The following INTS7 variants were observed in gnomAD, a reference collection of about 807,000 sequenced individuals.
INTS7 encodes chromosome 1 open reading frame 73.
INTS7 carries 46 observed loss-of-function variants against 109.2 expected under a neutral mutation model. That is an observed-to-expected ratio of 0.42 (90% CI 0.33 to 0.54). The LOEUF is 0.54. INTS7 is among the 20% of genes least tolerant of loss of function. The pLI is 0.07. For missense variants in INTS7, 929 were observed against 1,132.4 expected, an observed-to-expected ratio of 0.82 and a Z score of 2.58; for synonymous variants, 412 against 402.9, an observed-to-expected ratio of 1.02 and a Z score of -0.27.
At chr1:212,006,092 T>C (rs1665898051) in intron 7 of INTS7, among the ~76,000 whole-genome samples, 1 of 152,116 alleles carries the variant, frequency 6.6e-6, no homozygotes, top group South Asian at 2.1e-4. Context: ...GGTTCTATTT[T>C]GAGAAAAAAA....
chr1:211,944,896 T>G lies in INTS7; in HGVS notation c.2489A>C (p.Lys830Thr), dbSNP rs752458254. The G allele has an allele frequency of 1.4e-5, 22 of 1,614,050 alleles. No homozygotes were observed. The highest frequency in any genetic ancestry group is 1.5e-5 in the Non-Finnish European group (18 of 1,180,006). Residue 830 changes from lysine to threonine, a missense_variant, in exon 19 of 20, where the codon AAG becomes ACG. Physicochemically the swap from Lys to Thr is moderately conservative, Grantham distance 78 (BLOSUM62 -1). This residue lies in a region of INTS7 where 787 missense variants were observed against 901.1 expected (regional missense o/e 0.87). Coordinates refer to ENST00000366994, the MANE Select transcript of INTS7 (RefSeq NM_015434.4). ...AVQNNQQLALKVEGVVQHGSK... is the reference protein window; with the variant it reads ...AVQNNQQLALTVEGVVQHGSK... ...TCCGTGCTGAACCACTCCCTCTACC[T>G]TTAGCGCCAGCTGCTGGTTATTCTG...
At chr1:212,032,857 G>C (rs1020105783) in intron 1 of INTS7, among the ~76,000 whole-genome samples, 1 of 152,034 alleles carries the variant, frequency 6.6e-6, no homozygotes, top group Non-Finnish European at 1.5e-5. Context: ...TCTACCTCAG[G>C]GCCTTTGTAC....
intron 1 of INTS7, among the ~76,000 whole-genome samples, chr1:212,027,903 T>A (rs1666998369): frequency 6.6e-6 from 1 of 152,106 alleles, no homozygotes; most frequent in South Asian, 2.1e-4. Context: ...CTCAGCTCAC[T>A]GCAACCTCCG....
chr1:211,997,336 G>A (rs564082652), intron 7 of INTS7, among the ~76,000 whole-genome samples: 26 of 151,666 alleles, frequency 1.7e-4, no homozygotes, highest in Admixed American at 6.6e-4. Context: ...TTTGAGACCC[G>A]GAGCTTGAGA....
At chr1:212,013,834 G>A (rs1178681804) in intron 4 of INTS7, among the ~76,000 whole-genome samples, 1 of 152,154 alleles carries the variant, frequency 6.6e-6, no homozygotes, top group Admixed American at 6.5e-5. Context: ...TATAACCTAG[G>A]TGTATAGTAG....
At chr1:211,992,889 T>G (rs1043481526) in intron 7 of INTS7, among the ~76,000 whole-genome samples, 3 of 152,188 alleles carry the variant, frequency 2.0e-5, no homozygotes, top group African/African-American at 7.2e-5. Context: ...TCTTTTCAAA[T>G]GGAGTCCTCT....
intron 7 of INTS7, among the ~76,000 whole-genome samples, chr1:211,989,510 G>A (rs547640705): frequency 5.3e-5 from 8 of 151,880 alleles, no homozygotes; most frequent in Non-Finnish European, 1.0e-4. Context: ...ATCAATTAAG[G>A]ACCAAGAACC....
At position 212,026,703 on chromosome 1, in the gene INTS7, G is replaced by A. The variant is rs532794131; in HGVS notation, c.95-5491C>T. ...GTGCTTACGTATATGTGTTGGCAAA[G>A]GGGTTGAAAAAATCCACAGTAATTG... On this transcript the variant is annotated intron_variant, in intron 1 of 19. Coordinates refer to ENST00000366994, the MANE Select transcript of INTS7 (RefSeq NM_015434.4). Among the ~76,000 whole-genome samples the A allele has an allele frequency of 3.9e-5, 6 of 152,298 alleles. No individual in the cohort carries two copies. The East Asian group carries it at 1.2e-3, about 29-fold the overall frequency.
At chr1:211,999,260 T>C (rs190528914) in intron 7 of INTS7, among the ~76,000 whole-genome samples, 34 of 152,322 alleles carry the variant, frequency 2.2e-4, no homozygotes, top group African/African-American at 8.2e-4. Flanking sequence ...TGTACGCCCA[T>C]GTATCTGAAT....
chr1:211,940,999 A>G lies in INTS7; in HGVS notation c.*825T>C, dbSNP rs891899845. On this transcript the variant is annotated 3_prime_UTR_variant, in exon 20 of 20. Coordinates refer to ENST00000366994, the MANE Select transcript of INTS7 (RefSeq NM_015434.4). ...ACTGCTTTAGCACAGGAAGAGATAA[A>G]TATGTGGTTGAACTAATACAGCAGG... 2 of 152,258 alleles carry G rather than the reference A, an allele frequency of 1.3e-5. No homozygotes were observed. Among genetic ancestry groups the G allele is most frequent in the African/African-American group, 4.8e-5 (2 of 41,466 alleles). 9.4% of individuals were successfully genotyped at this position (152,258 alleles called of 1,614,324 possible). A position where few individuals can be genotyped will look rare whatever the true frequency, so the allele number is the denominator to read the frequency against.
At chr1:211,967,644 TGGA>T (rs1663959060) in intron 15 of INTS7, among the ~76,000 whole-genome samples, 1 of 152,156 alleles carries the variant, frequency 6.6e-6, no homozygotes, top group African/African-American at 2.4e-5. Context: ...GATGTTGCTT[TGGA>T]TGCTCTTTCT....
intron 4 of INTS7, chr1:212,011,720 A>G (rs1210435810): frequency 1.1e-5 from 3 of 281,382 alleles, no homozygotes; most frequent in Non-Finnish European, 1.3e-5. Flanking sequence ...TTGTGTTTAT[A>G]TAACAACAGG....
intron 1 of INTS7, among the ~76,000 whole-genome samples, chr1:212,023,242 GATTT>G (rs1666784946): frequency 6.6e-6 from 1 of 152,174 alleles, no homozygotes; most frequent in Non-Finnish European, 1.5e-5. Context: ...TGGGCAGAAT[GATTT>G]ATTTTCCTTT....
chr1:211,943,787 T>G (rs1662733006), intron 19 of INTS7, among the ~76,000 whole-genome samples: 1 of 152,258 alleles, frequency 6.6e-6, no homozygotes, highest in African/African-American at 2.4e-5. Context: ...ATACCTTCAC[T>G]GATACCCTGC....
chr1:211,995,320 C>T (rs913468081), intron 7 of INTS7, among the ~76,000 whole-genome samples: 1 of 152,118 alleles, frequency 6.6e-6, no homozygotes, highest in African/African-American at 2.4e-5. Context: ...ATGTAAACAA[C>T]TTATGGTACA....
At position 211,975,393 on chromosome 1, in the gene INTS7, G is replaced by A. The variant is rs751808785; in HGVS notation, c.1609-21C>T. On this transcript the variant is annotated intron_variant, in intron 12 of 19. Transcript: ENST00000366994. ...TTACCCTAAAAACAAAAAAAGAAAA[G>A]AAAAAAGAATAGAAGGAGCACACGG... 4 of 1,590,088 alleles carry A rather than the reference G, an allele frequency of 2.5e-6. No homozygotes were observed. In the Admixed American group the frequency reaches 5.1e-5, roughly 20 times the overall value.
At chr1:211,989,553 G>A (rs1665053143) in intron 7 of INTS7, among the ~76,000 whole-genome samples, 1 of 152,076 alleles carries the variant, frequency 6.6e-6, no homozygotes, top group Non-Finnish European at 1.5e-5. Flanking sequence ...TGGGCACAGT[G>A]GCTCACGTCT....
At position 212,035,553 on chromosome 1, in the gene INTS7, G is replaced by C. The variant is rs1667407224; in HGVS notation, c.-116C>G. On this transcript the variant is annotated 5_prime_UTR_variant, in exon 1 of 20. Transcript: ENST00000366994. ...TTTCTTCCGCGCGCTGTCAAGCCCTGTTACGCATGCGCCCTGGTCACCCCG... is the reference window on the plus strand; with the variant it reads ...TTTCTTCCGCGCGCTGTCAAGCCCTCTTACGCATGCGCCCTGGTCACCCCG... The C allele has an allele frequency of 1.2e-6, 1 of 825,792 alleles. No individual in the cohort carries two copies. Among genetic ancestry groups the C allele is most frequent in the African/African-American group, 1.7e-5 (1 of 60,376 alleles). The allele number at this position is 825,792 out of a possible 1,614,324, so 51.2% of individuals were successfully genotyped here. A position where few individuals can be genotyped will look rare whatever the true frequency, so the allele number is the denominator to read the frequency against.
intron 16 of INTS7, among the ~76,000 whole-genome samples, chr1:211,964,419 C>T (rs548982290): frequency 2.0e-5 from 3 of 152,316 alleles, no homozygotes; most frequent in South Asian, 4.1e-4. Context: ...AGATTCAATG[C>T]TATTCCTATC....
Sources: allele counts gnomAD v4.1 joint callset (sites outside exome capture counted in the v4.1 genomes callset), GRCh38; gene constraint gnomAD v4.1.1; regional missense constraint gnomAD v4.1.1; transcripts MANE v1.5; gene names NCBI Gene and HGNC (gene_info 2026-07-23, HGNC 2026-07-21).